The following DLGAP1 variants were observed in gnomAD, a reference collection of about 807,000 sequenced individuals.
DLGAP1 encodes the protein disks large-associated protein 1.
DLGAP1 carries 11 observed loss-of-function variants against 90.8 expected under a neutral mutation model. The observed-to-expected ratio is 0.12, with a 90% confidence interval of 0.08 to 0.20. DLGAP1 has a LOEUF of 0.20. DLGAP1 is among the 10% of genes least tolerant of loss of function. The probability of loss-of-function intolerance (pLI) is 1.00; values close to 1 mark genes in which losing one functional copy is unlikely to be tolerated. For synonymous variants in DLGAP1, 558 were observed against 540.7 expected, an observed-to-expected ratio of 1.03 and a Z score of -0.44; for missense variants, 1,050 against 1,333.8, an observed-to-expected ratio of 0.79 and a Z score of 3.31.
intron 7 of DLGAP1, among the ~76,000 whole-genome samples, chr18:3,707,425 C>G (rs1210540506): frequency 1.3e-5 from 2 of 151,876 alleles, no homozygotes; most frequent in African/African-American, 4.8e-5. Context: ...TGGTGAAAAC[C>G]CATCTCTACT....
At chr18:4,200,204 T>C (rs2077581842) in intron 1 of DLGAP1, among the ~76,000 whole-genome samples, 1 of 152,104 alleles carries the variant, frequency 6.6e-6, no homozygotes, top group Non-Finnish European at 1.5e-5. Context: ...TTTTTGAAAT[T>C]TTTATTAGGA....
At chr18:3,673,942 A>C (rs1313441580) in intron 7 of DLGAP1, among the ~76,000 whole-genome samples, 1 of 151,544 alleles carries the variant, frequency 6.6e-6, no homozygotes, top group African/African-American at 2.4e-5. Flanking sequence ...TCCTGGGTTC[A>C]AGCGATTCTC....
chr18:4,431,598 C>T (rs1007518943), intron 1 of DLGAP1, among the ~76,000 whole-genome samples: 6 of 152,268 alleles, frequency 3.9e-5, no homozygotes, highest in Admixed American at 3.9e-4. Context: ...TATGCTTTGG[C>T]TTAAAAGACA....
intron 1 of DLGAP1, among the ~76,000 whole-genome samples, chr18:4,268,633 G>A (rs1381111492): frequency 6.6e-6 from 1 of 152,050 alleles, no homozygotes; most frequent in African/African-American, 2.4e-5. Flanking sequence ...GTAATTTGCA[G>A]CAAAATATGG....
chr18:3,827,446 T>G (rs1294157344), intron 4 of DLGAP1, among the ~76,000 whole-genome samples: 2 of 152,224 alleles, frequency 1.3e-5, no homozygotes, highest in Admixed American at 6.5e-5. Flanking sequence ...CTTCCCGTGA[T>G]CTTAATCCCA....
intron 9 of DLGAP1, among the ~76,000 whole-genome samples, chr18:3,554,389 T>C (rs1381171731): frequency 6.6e-6 from 1 of 152,172 alleles, no homozygotes; most frequent in Admixed American, 6.5e-5. Flanking sequence ...GGAAAACAGC[T>C]AATGTTTGAT....
chr18:4,368,888 G>C (rs1010495934), intron 1 of DLGAP1, among the ~76,000 whole-genome samples: 1 of 152,152 alleles, frequency 6.6e-6, no homozygotes, highest in Non-Finnish European at 1.5e-5. Context: ...TGGACAGACA[G>C]ACAGGAGAGT....
chr18:3,995,376 T>C (rs2074047719), intron 3 of DLGAP1: 1 of 152,174 alleles, frequency 6.6e-6, no homozygotes, highest in South Asian at 2.1e-4. Context: ...ATACTGGCAC[T>C]TGGGGTTAGT....
chr18:3,986,707 A>G (rs2073850857), intron 3 of DLGAP1: 1 of 152,206 alleles, frequency 6.6e-6, no homozygotes, highest in African/African-American at 2.4e-5. Flanking sequence ...TTCCAATTAT[A>G]GTGTAGCTAT....
intron 5 of DLGAP1, among the ~76,000 whole-genome samples, chr18:3,806,618 T>G (rs1568166663): frequency 1.3e-5 from 2 of 152,244 alleles, no homozygotes. Context: ...CCTCGTTGTC[T>G]GCACTTTAAC....
chr18:4,149,025 G>A (rs1012749582), intron 2 of DLGAP1, among the ~76,000 whole-genome samples: 2 of 152,146 alleles, frequency 1.3e-5, no homozygotes, highest in Non-Finnish European at 2.9e-5. Flanking sequence ...TATAATTTCA[G>A]TCTTGCATTT....
chr18:4,029,397 T>C (rs1294982232), intron 2 of DLGAP1, among the ~76,000 whole-genome samples: 1 of 152,204 alleles, frequency 6.6e-6, no homozygotes, highest in East Asian at 1.9e-4. Flanking sequence ...TAGTTCTATT[T>C]TTAATTTTTT....
chr18:3,599,841 T>C (rs1456561754), intron 7 of DLGAP1, among the ~76,000 whole-genome samples: 2 of 151,884 alleles, frequency 1.3e-5, no homozygotes. Flanking sequence ...ATGGTCTCGA[T>C]CTCTTGACCT....
chr18:3,546,339 A>G (rs762765732), intron 9 of DLGAP1, among the ~76,000 whole-genome samples: 3 of 151,446 alleles, frequency 2.0e-5, no homozygotes, highest in Non-Finnish European at 4.4e-5. Context: ...CCTTGAGACC[A>G]GGGAGGAAGA....
intron 10 of DLGAP1, among the ~76,000 whole-genome samples, chr18:3,523,167 G>A (rs2051324173): frequency 6.6e-6 from 1 of 151,864 alleles, no homozygotes; most frequent in Non-Finnish European, 1.5e-5. Flanking sequence ...GAGGTCAGCA[G>A]TTCAAGACCA....
intron 1 of DLGAP1, among the ~76,000 whole-genome samples, chr18:4,278,866 A>T (rs1446554794): frequency 6.6e-6 from 1 of 152,224 alleles, no homozygotes; most frequent in Non-Finnish European, 1.5e-5. Flanking sequence ...TCTTTGTGAT[A>T]TAATGATTTC....
intron 1 of DLGAP1, among the ~76,000 whole-genome samples, chr18:4,338,423 A>G (rs1237314694): frequency 6.6e-6 from 1 of 152,200 alleles, no homozygotes; most frequent in Non-Finnish European, 1.5e-5. Context: ...ATAGTTGGGA[A>G]ATTTTCAAAG....
chr18:3,571,983 T>C (rs1163400446), intron 8 of DLGAP1, among the ~76,000 whole-genome samples: 1 of 152,066 alleles, frequency 6.6e-6, no homozygotes, highest in Non-Finnish European at 1.5e-5. Context: ...ATTGATAATA[T>C]ATAGATAAGT....
rs1165759619 is a variant in DLGAP1 at position 3,888,213 on chromosome 18, C to G, written c.-72-8073G>C. On this transcript the variant is annotated intron_variant, in intron 3 of 12. Coordinates refer to ENST00000315677, the MANE Select transcript of DLGAP1 (RefSeq NM_004746.4). ...TGCCCACTGTTTGGATATTTTCTGA[C>G]CTTTTGAAATTGTACCTGAAGATGA... 1.3e-5 allele frequency among the ~76,000 whole-genome samples: 2 copies of G among 150,678 alleles called. 1 individual carries two copies. Among genetic ancestry groups the G allele is most frequent in the East Asian group, 3.9e-4 (2 of 5,152 alleles).
Sources: allele counts gnomAD v4.1 joint callset (sites outside exome capture counted in the v4.1 genomes callset), GRCh38; gene constraint gnomAD v4.1.1; transcripts MANE v1.5; gene names NCBI Gene and HGNC (gene_info 2026-07-23, HGNC 2026-07-21).